CCDC57: variants seen among roughly 807,000 people sequenced by gnomAD.
The protein encoded by CCDC57 is coiled-coil domain containing 57.
In CCDC57, 118 loss-of-function variants were observed where a neutral mutation model predicts 118.9. The observed-to-expected ratio is 0.99, with a 90% CI of 0.86 to 1.16. The LOEUF is 1.16. Among genes scored for constraint, CCDC57 ranks in the 50% most tolerant of loss-of-function variants. The pLI is 0.00. For synonymous variants in CCDC57, 527 were observed against 532.9 expected (o/e 0.99, Z 0.15); for missense variants, 1,300 against 1,320.7 (o/e 0.98, Z 0.24).
intron 16 of CCDC57, among the ~76,000 whole-genome samples, chr17:82,135,636 T>C (rs1211597536): frequency 6.6e-6 from 1 of 152,120 alleles, no homozygotes; most frequent in Non-Finnish European, 1.5e-5. Context: ...TTAAAAGCCA[T>C]GAAGTCAGAA....
intron 2 of CCDC57, among the ~76,000 whole-genome samples, chr17:82,204,922 C>A (rs8079388): frequency 0.46 from 69,701 of 152,136 alleles, 16,807 homozygotes; most frequent in East Asian, 0.88. Flanking sequence ...TCCTCCTAAC[C>A]GCAGGGCAGG....
At chr17:82,200,209 A>T (rs924981984) in intron 3 of CCDC57, among the ~76,000 whole-genome samples, 1 of 152,228 alleles carries the variant, frequency 6.6e-6, no homozygotes, top group African/African-American at 2.4e-5. Context: ...CCTTCTGAGC[A>T]AACCGGCCCA....
rs150527726 is a variant in CCDC57, at chr17:82,198,825, C to T, written c.408-403G>A. Among the ~76,000 whole-genome samples, 989 of 151,454 alleles carry T rather than the reference C, an allele frequency of 6.5e-3. 13 individuals are homozygous for T. The highest frequency in any genetic ancestry group is 0.022 in the African/African-American group (927 of 41,332). On this transcript the variant is annotated intron_variant, in intron 3 of 19. Transcript: ENST00000665763. The stretch of plus-strand genomic sequence containing the variant: ...CTAACACGGTGAAACCCCGTCTCTA[C>T]AAAAAAATACAAAAAAAATTAGCCG...
At chr17:82,136,665 G>A (rs1419163503) in intron 16 of CCDC57, among the ~76,000 whole-genome samples, 3 of 149,376 alleles carry the variant, frequency 2.0e-5, no homozygotes, top group Admixed American at 6.7e-5. Context: ...TGGTGCAATC[G>A]CGGCTCACTG....
At chr17:82,198,964 G>T (rs1462839868) in intron 3 of CCDC57, among the ~76,000 whole-genome samples, 1 of 138,548 alleles carries the variant, frequency 7.2e-6, no homozygotes, top group African/African-American at 2.7e-5. Context: ...CTGCACTCCA[G>T]CCTGGGCGAC....
intron 14 of CCDC57, among the ~76,000 whole-genome samples, chr17:82,158,927 G>C (rs66932937): frequency 6.6e-6 from 1 of 151,718 alleles, no homozygotes; most frequent in East Asian, 2.0e-4. Context: ...ATCGTGGCTC[G>C]CCGCAGCCTC....
chr17:82,212,606 G>A lies in CCDC57; in HGVS notation c.-211+179C>T, dbSNP rs111654322. Among the ~76,000 whole-genome samples the A allele has an allele frequency of 0.048, 7,263 of 151,982 alleles. 229 individuals are homozygous for A. Among genetic ancestry groups the A allele is most frequent in the African/African-American group, 0.09 (3,740 of 41,482 alleles). ...CCCGCCCCGCCCCGCCGCAGCCTCC[G>A]CGAGGGGATCCCCGGTCCGGGCCTG... is the stretch of plus-strand genomic sequence containing the variant. On this transcript the variant is annotated intron_variant, in intron 1 of 19. Transcript: ENST00000665763. This position sits in a 1 kb window ranked among gnomAD's most constrained non-coding sequence, Gnocchi z 4.1.
rs1332443216 is a variant in CCDC57 at position 82,212,348 on chromosome 17, T to C, written c.-211+437A>G. ...ATCTGCCCGCCTCTGCCTCCCAAAG[T>C]GCTGGATTACAGGCGCGAACCACCG... On this transcript the variant is annotated intron_variant, in intron 1 of 19. Transcript: ENST00000665763. The surrounding 1 kb of genome is among the most constrained non-coding windows in gnomAD (Gnocchi z 4.1). Among the ~76,000 whole-genome samples the C allele has an allele frequency of 4.3e-5, 3 of 70,096 alleles. No homozygotes were observed. Among genetic ancestry groups the C allele is most frequent in the South Asian group, 4.9e-4 (1 of 2,046 alleles). 46.0% of individuals were successfully genotyped at this position (70,096 alleles called of 152,430 possible). A position where few individuals can be genotyped will look rare whatever the true frequency, so the allele number is the denominator to read the frequency against.
chr17:82,159,118 C>T (rs1464097533), intron 14 of CCDC57, among the ~76,000 whole-genome samples: 1 of 152,198 alleles, frequency 6.6e-6, no homozygotes, highest in Non-Finnish European at 1.5e-5. Context: ...CCTCCCACCT[C>T]ACCATTCCAA....
chr17:82,106,819 A>C (rs1209424645), intron 19 of CCDC57, among the ~76,000 whole-genome samples: 1 of 152,200 alleles, frequency 6.6e-6, no homozygotes, highest in Non-Finnish European at 1.5e-5. Flanking sequence ...GCCAGTGTGC[A>C]GGGGAGATTC....
At chr17:82,195,112 A>G (rs542323173) in intron 5 of CCDC57, 151 bp downstream of exon 4, 1 of 663,676 alleles carries the variant, frequency 1.5e-6, no homozygotes, top group South Asian at 1.8e-5. Flanking sequence ...GGGCATCCAC[A>G]TGGCCCACCT....
intron 3 of CCDC57, among the ~76,000 whole-genome samples, chr17:82,198,797 T>C (rs983153068): frequency 6.6e-6 from 1 of 151,658 alleles, no homozygotes; most frequent in Non-Finnish European, 1.5e-5. Flanking sequence ...GAGAGCATCC[T>C]GGCTAACACG....
Position 82,149,546 on chromosome 17 carries a change from C to T in CCDC57, c.2455+2014G>A, listed in dbSNP as rs540737270. ...AAATGCCGGCTGCTTTGCTAACCTG[C>T]GGTGTTGTTCTCACAAATGCTGCCA... On this transcript the variant is annotated intron_variant, in intron 16 of 19. Coordinates refer to ENST00000665763, the Ensembl canonical transcript of CCDC57. 1.8e-4 allele frequency among the ~76,000 whole-genome samples: 27 copies of T among 152,120 alleles called. 1 individual carries two copies. The highest frequency in any genetic ancestry group is 2.9e-4 in the Non-Finnish European group (20 of 68,000).
At chr17:82,165,754 CG>C (rs1007206866) in intron 13 of CCDC57, among the ~76,000 whole-genome samples, 6 of 152,228 alleles carry the variant, frequency 3.9e-5, no homozygotes, top group African/African-American at 1.4e-4. Context: ...CTCTGACAAC[CG>C]GGCCTGGCGG....
intron 16 of CCDC57, among the ~76,000 whole-genome samples, chr17:82,138,956 T>C (rs1293063961): frequency 1.3e-5 from 2 of 152,140 alleles, no homozygotes; most frequent in African/African-American, 4.8e-5. Context: ...TGCCCAGAGT[T>C]TGTAGCAGGG....
chr17:82,107,621 C>G (rs989657074), intron 19 of CCDC57: 18 of 469,900 alleles, frequency 3.8e-5, no homozygotes, highest in African/African-American at 2.8e-4. Context: ...TGAATGGGGC[C>G]CTGTTGTGAC....
At chr17:82,126,921 G>C (rs2037516244) in intron 19 of CCDC57, 1 of 985,240 alleles carries the variant, frequency 1.0e-6, no homozygotes, top group Non-Finnish European at 1.2e-6. Context: ...CTCCATGCAG[G>C]CACACAGGAA....
At chr17:82,136,491 G>C (rs753143230) in intron 16 of CCDC57, among the ~76,000 whole-genome samples, 3 of 150,210 alleles carry the variant, frequency 2.0e-5, no homozygotes, top group South Asian at 2.1e-4. Context: ...GATGATGCTC[G>C]CACAACATTC....
In CCDC57 at chr17:82,212,165, C is replaced by G. The variant is rs112307397; in HGVS notation, c.-211+620G>C. 2.0e-4 allele frequency among the ~76,000 whole-genome samples: 30 copies of G among 152,244 alleles called. 1 individual carries two copies. Among genetic ancestry groups the G allele is most frequent in the African/African-American group, 7.0e-4 (29 of 41,556 alleles). Reference sequence around the variant, plus strand: ...TGTGGCGTTCTCTCTATAACTCCCTCAGTTACAACATCGGGTTCAAGCGAT... The same window carrying G: ...TGTGGCGTTCTCTCTATAACTCCCTGAGTTACAACATCGGGTTCAAGCGAT... On this transcript the variant is annotated intron_variant, in intron 1 of 19. Coordinates refer to ENST00000665763, the Ensembl canonical transcript of CCDC57. The surrounding 1 kb of genome is among the most constrained non-coding windows in gnomAD (Gnocchi z 4.1).
Sources: gnomAD v4.1 joint callset for allele counts (sites outside exome capture counted in the v4.1 genomes callset) on GRCh38, gnomAD v4.1.1 for gene constraint, Gnocchi (gnomAD v3.1) non-coding constraint, MANE v1.5 for transcripts, NCBI Gene and HGNC (gene_info 2026-07-23, HGNC 2026-07-21) for gene names.